Variants in TTC39B observed in about 807,000 individuals in gnomAD.
The protein encoded by TTC39B is tetratricopeptide repeat domain 39B, also known as tetratricopeptide repeat protein 39B.
A neutral mutation model predicts 96.6 loss-of-function variants in TTC39B; 92 were observed. The ratio of observed to expected loss-of-function variants is 0.95; its 90% confidence interval spans 0.80 to 1.13. The LOEUF (loss-of-function observed/expected upper bound fraction) is 1.13, where lower values mean the gene tolerates loss of function less well. Ranked by LOEUF, TTC39B falls within the 50% of genes most tolerant of loss-of-function variation. TTC39B has a pLI of 0.00. For missense variants in TTC39B, 955 were observed against 809.3 expected, an observed-to-expected ratio of 1.18 and a Z score of -2.18; for synonymous variants, 367 against 299.4, an observed-to-expected ratio of 1.23 and a Z score of -2.33.
chr9:15,295,363 T>C (rs1824334532), intron 1 of TTC39B, among the ~76,000 whole-genome samples: 1 of 152,198 alleles, frequency 6.6e-6, no homozygotes, highest in African/African-American at 2.4e-5. Context: ...AGGCTGCATT[T>C]AACCTCTTAG....
At chr9:15,230,821 C>G (rs111527480) in intron 2 of TTC39B, among the ~76,000 whole-genome samples, 29,643 of 151,786 alleles carry the variant, frequency 0.2, 3,002 homozygotes, top group Middle Eastern at 0.23. Flanking sequence ...TCCATCTCTA[C>G]TAAAAATACA....
intron 3 of TTC39B, among the ~76,000 whole-genome samples, chr9:15,215,377 G>C (rs1294904915): frequency 1.3e-5 from 2 of 151,958 alleles, no homozygotes; most frequent in African/African-American, 4.8e-5. Flanking sequence ...GACCAACATG[G>C]TGAAACCCCG....
At chr9:15,292,641 C>G (rs1239469547) in intron 1 of TTC39B, among the ~76,000 whole-genome samples, 1 of 152,108 alleles carries the variant, frequency 6.6e-6, no homozygotes, top group African/African-American at 2.4e-5. Flanking sequence ...GTTACTGCCC[C>G]TGAAGACTGT....
chr9:15,192,555 C>T (rs770898236), intron 9 of TTC39B, 35 bp downstream of exon 9: 1 of 1,549,486 alleles, frequency 6.5e-7, no homozygotes, highest in Non-Finnish European at 8.9e-7. Flanking sequence ...GGTTCTTCTA[C>T]AAAAGTTCTG....
chr9:15,246,449 G>C (rs1167324138), intron 2 of TTC39B, among the ~76,000 whole-genome samples: 2 of 152,108 alleles, frequency 1.3e-5, no homozygotes, highest in African/African-American at 4.8e-5. Context: ...GAAGGACAGA[G>C]ACCAAAAATT....
At chr9:15,252,024 A>G (rs1482099118) in intron 2 of TTC39B, among the ~76,000 whole-genome samples, 2 of 152,070 alleles carry the variant, frequency 1.3e-5, no homozygotes, top group African/African-American at 2.4e-5. Context: ...ACCAAACGAC[A>G]GCAAATATCA....
chr9:15,199,734 CAAAAAAAAAAAA>C (rs35361396), intron 8 of TTC39B, 115 bp downstream of exon 8: 236 of 70,668 alleles, frequency 3.3e-3, no homozygotes, highest in African/African-American at 0.02. Flanking sequence ...GACTCCGTCT[CAAAAAAAAAAAA>C]AAAAAAAAAA....
chr9:15,265,971 C>T (rs755712517), intron 2 of TTC39B, among the ~76,000 whole-genome samples: 4 of 152,086 alleles, frequency 2.6e-5, no homozygotes, highest in Non-Finnish European at 1.5e-5. Context: ...GGGGACATGA[C>T]GACTAAATGT....
At position 15,306,002 on chromosome 9, in the gene TTC39B, T is replaced by A. The variant is rs1255997560; in HGVS notation, c.240+1082A>T. Among the ~76,000 whole-genome samples, 1 of 152,086 alleles carries A rather than the reference T, an allele frequency of 6.6e-6. No individual in the cohort carries two copies. The highest frequency in any genetic ancestry group is 1.5e-5 in the Non-Finnish European group (1 of 68,036). ...CATGCAGAGGAGCTGTAGTTCAGTT[T>A]TTGTTTTTTGTTTATTTTACGGAGC... On this transcript the variant is annotated intron_variant, in intron 1 of 19. Transcript: ENST00000512701. This position sits in a 1 kb window ranked among gnomAD's most constrained non-coding sequence, Gnocchi z 5.1.
At chr9:15,269,162 C>A (rs1823244475) in intron 1 of TTC39B, among the ~76,000 whole-genome samples, 1 of 152,194 alleles carries the variant, frequency 6.6e-6, no homozygotes, top group Admixed American at 6.5e-5. Flanking sequence ...TCTCTGATCA[C>A]CCTAATTAAA....
At chr9:15,234,145 C>T (rs1199051694) in intron 2 of TTC39B, among the ~76,000 whole-genome samples, 1 of 148,382 alleles carries the variant, frequency 6.7e-6, no homozygotes, top group Non-Finnish European at 1.5e-5. Flanking sequence ...AGTGAGGAGT[C>T]CCTCTGCCCG....
chr9:15,256,017 T>C (rs1326929820), intron 2 of TTC39B, among the ~76,000 whole-genome samples: 2 of 152,200 alleles, frequency 1.3e-5, no homozygotes, highest in Non-Finnish European at 2.9e-5. Flanking sequence ...CATGCTATGG[T>C]TTAATGTTTG....
At chr9:15,243,411 T>C (rs1822133712) in intron 2 of TTC39B, among the ~76,000 whole-genome samples, 1 of 152,152 alleles carries the variant, frequency 6.6e-6, no homozygotes, top group Non-Finnish European at 1.5e-5. Flanking sequence ...CATTTTCATA[T>C]ACAATACAAA....
chr9:15,166,901 T>C (rs1040586139), exon 20 of TTC39B: 1 of 145,798 alleles, frequency 6.9e-6, no homozygotes, highest in African/African-American at 2.5e-5. Context: ...TAATTATATA[T>C]ATGCATATCA....
intron 15 of TTC39B, 77 bp from the exon 16 acceptor site, chr9:15,185,483 T>G: frequency 6.3e-7 from 1 of 1,582,276 alleles, no homozygotes; most frequent in Non-Finnish European, 8.6e-7. Context: ...GTTTTCACAG[T>G]GAACTTCACA....
Position 15,220,031 on chromosome 9 carries a change from A to G in TTC39B, c.372-5782T>C, listed in dbSNP as rs187990264. 7.4e-4 allele frequency among the ~76,000 whole-genome samples: 113 copies of G among 152,356 alleles called. 1 individual carries two copies. Among genetic ancestry groups the G allele is most frequent in the African/African-American group, 2.6e-3 (109 of 41,588 alleles). ...CTCCATACGTCTGACTCTTGCATCA[A>G]TATTTCAACTTAGGCCAAAAAGGAA... On this transcript the variant is annotated intron_variant, in intron 3 of 19. Transcript: ENST00000512701.
At chr9:15,264,729 CTATA>C (rs138797791) in intron 2 of TTC39B, among the ~76,000 whole-genome samples, 19,306 of 141,824 alleles carry the variant, frequency 0.14, 1,519 homozygotes, top group African/African-American at 0.22. Context: ...AACAATTTTA[CTATA>C]TATATATATA....
intron 19 of TTC39B, 101 bp downstream of exon 19, chr9:15,174,918 C>A (rs546646684): frequency 1.1e-4 from 83 of 756,006 alleles, no homozygotes; most frequent in South Asian, 2.1e-4. Flanking sequence ...ACTAATTTGA[C>A]ATTGTTAATT....
At chr9:15,200,234 A>T (rs1013300268) in intron 7 of TTC39B, among the ~76,000 whole-genome samples, 3 of 152,206 alleles carry the variant, frequency 2.0e-5, no homozygotes, top group Admixed American at 1.3e-4. Context: ...ATAAACATTG[A>T]CATCTACTGA....
Sources: allele counts gnomAD v4.1 joint callset (sites outside exome capture counted in the v4.1 genomes callset), GRCh38; gene constraint gnomAD v4.1.1; non-coding constraint Gnocchi (gnomAD v3.1); transcripts MANE v1.5; gene names NCBI Gene and HGNC (gene_info 2026-07-23, HGNC 2026-07-21).